The following TRNT1 variants were observed in gnomAD, a reference collection of about 807,000 sequenced individuals.
TRNT1 encodes CCA tRNA nucleotidyltransferase 1, mitochondrial.
A neutral mutation model predicts 45.6 loss-of-function variants in TRNT1; 44 were observed. The ratio of observed to expected loss-of-function variants is 0.97; its 90% confidence interval spans 0.76 to 1.24. TRNT1 has a LOEUF of 1.24. TRNT1 is among the 50% of genes most tolerant of loss of function. The probability of loss-of-function intolerance (pLI) is 0.00; values close to 1 mark genes in which losing one functional copy is unlikely to be tolerated. For synonymous variants in TRNT1, 201 were observed against 171.4 expected, an observed-to-expected ratio of 1.17 and a Z score of -1.35; for missense variants, 633 against 504.4, an observed-to-expected ratio of 1.25 and a Z score of -2.44.
intron 2 of TRNT1, among the ~76,000 whole-genome samples, chr3:3,133,252 C>T (rs904072961): frequency 3.9e-5 from 6 of 152,024 alleles, no homozygotes; most frequent in Non-Finnish European, 5.9e-5. Flanking sequence ...ATGCTAGTGG[C>T]ATAGAAGATT....
chr3:3,136,226 T>C (rs1705318164), intron 2 of TRNT1, among the ~76,000 whole-genome samples: 1 of 152,294 alleles, frequency 6.6e-6, no homozygotes, highest in Admixed American at 6.5e-5. Flanking sequence ...CTGATATTGA[T>C]GTTTTGTGAA....
rs372367989 is a variant in TRNT1 at position 3,148,083 on chromosome 3, C to G, written c.1234C>G (p.Arg412Gly). 1.2e-6 allele frequency: 2 copies of G among 1,613,646 alleles called. No individual in the cohort carries two copies. Among genetic ancestry groups the G allele is most frequent in the Admixed American group, 1.7e-5 (1 of 59,970 alleles). ...AATTGGGGCTCTATTACAACAGTTG[C>G]GAGAACAGTGGAAAAAAAGTGGTTA... ...KEIGALLQQL[R>G]EQWKKSGYQM... Residue 412 changes from arginine (R) to glycine (G), a missense_variant, in exon 8 of 8, where the codon CGA becomes GGA. Arg to Gly is a moderately radical substitution (Grantham distance 125). Transcript: ENST00000251607.
At chr3:3,129,952 AGGAAATAG>A (rs1347198468) in intron 2 of TRNT1, 11 of 1,550,488 alleles carry the variant, frequency 7.1e-6, no homozygotes, top group Non-Finnish European at 9.6e-6. Flanking sequence ...TGAAGGAAGA[AGGAAATAG>A]GAGTTGCCTC....
chr3:3,137,474 G>A, intron 3 of TRNT1, 21 bp downstream of exon 3: 29 of 1,555,890 alleles, frequency 1.9e-5, no homozygotes, highest in Non-Finnish European at 2.5e-5. Flanking sequence ...AGTTTGACAG[G>A]TAATTACATT....
chr3:3,143,838 A>T (rs1705812234), intron 4 of TRNT1, among the ~76,000 whole-genome samples: 1 of 152,232 alleles, frequency 6.6e-6, no homozygotes, highest in East Asian at 1.9e-4. Context: ...AACCAGGGTG[A>T]CAAAGTGAGA....
downstream of TRNT1, chr3:3,150,211 G>A (rs1178545430): frequency 6.6e-6 from 1 of 152,372 alleles, no homozygotes; most frequent in Non-Finnish European, 1.5e-5. Context: ...TTCAGATACT[G>A]AGCAAATACA....
intron 4 of TRNT1, among the ~76,000 whole-genome samples, chr3:3,143,174 T>C (rs1705764452): frequency 6.6e-6 from 1 of 152,198 alleles, no homozygotes; most frequent in Non-Finnish European, 1.5e-5. Context: ...GTTTCGGCTC[T>C]AAATTCCTTT....
Position 3,144,647 on chromosome 3 carries a change from G to A in TRNT1, c.545G>A (p.Arg182Lys), listed in dbSNP as rs1215520219. Residue 182 changes from arginine (R) to lysine (K), a missense_variant, in exon 5 of 8, where the codon AGA becomes AAA. Arg to Lys is a conservative substitution (Grantham distance 26). Transcript: ENST00000251607. ...GYEDLKNKKV[R>K]FVGHAKQRIQ... Reference sequence around the variant, plus strand: ...GAAGATTTAAAAAATAAGAAAGTTAGATTTGTTGGACATGCTAAACAGAGA... The same window carrying A: ...GAAGATTTAAAAAATAAGAAAGTTAAATTTGTTGGACATGCTAAACAGAGA... The A allele has an allele frequency of 1.6e-5, 25 of 1,583,426 alleles. No individual in the cohort carries two copies. The highest frequency in any genetic ancestry group is 2.1e-5 in the Non-Finnish European group (24 of 1,157,318).
chr3:3,141,139 C>T (rs1471570331), intron 4 of TRNT1, among the ~76,000 whole-genome samples: 1 of 152,154 alleles, frequency 6.6e-6, no homozygotes, highest in East Asian at 1.9e-4. Context: ...ACTCACTAGC[C>T]ACAAAACAAA....
chr3:3,131,026 A>C (rs1350046007), intron 2 of TRNT1, among the ~76,000 whole-genome samples: 2 of 152,042 alleles, frequency 1.3e-5, no homozygotes, highest in Non-Finnish European at 1.5e-5. Context: ...GCTTGCGGTA[A>C]GCCGAGATTG....
intron 4 of TRNT1, among the ~76,000 whole-genome samples, chr3:3,142,781 A>G (rs1705738546): frequency 6.6e-6 from 1 of 152,184 alleles, no homozygotes; most frequent in Admixed American, 6.5e-5. Flanking sequence ...CTTCATTAGG[A>G]GAAATAACAC....
chr3:3,139,919 G>A (rs1450926908), intron 3 of TRNT1, among the ~76,000 whole-genome samples: 2 of 152,000 alleles, frequency 1.3e-5, no homozygotes, highest in African/African-American at 4.8e-5. Context: ...GGTAGAGATG[G>A]GGTTTTACCA....
At chr3:3,140,848 C>A in intron 4 of TRNT1, 200 bp downstream of exon 4, 1 of 472,192 alleles carries the variant, frequency 2.1e-6, no homozygotes, top group East Asian at 4.1e-5. Context: ...TTTGGGAGGC[C>A]AAGGCAGGCG....
chr3:3,129,180 G>C lies in TRNT1; in HGVS notation c.140G>C (p.Ser47Thr), dbSNP rs754114860. The C allele has an allele frequency of 3.7e-6, 6 of 1,614,098 alleles. No homozygotes were observed. In the East Asian group the frequency reaches 1.1e-4, roughly 30 times the overall value. Reference protein sequence around the residue: ...FQSLFTEGLKSLTELFVKENH... With the variant: ...FQSLFTEGLKTLTELFVKENH... ...TCACTTTTCACAGAAGGACTGAAGA[G>C]TCTGACAGGTGAGAGATTAGGATAC... is the stretch of plus-strand genomic sequence containing the variant. The change falls in exon 2 of 8, where the codon AGT becomes ACT. Residue 47 changes from serine (S) to threonine (T), a missense_variant. Transcript: ENST00000251607.
At chr3:3,153,039 A>G (rs898731725), downstream of TRNT1, 3 of 303,970 alleles carry the variant, frequency 9.9e-6, no homozygotes, top group African/African-American at 6.5e-5. Context: ...ATATCAGAGC[A>G]TCAGTATGTG....
At position 3,148,260 on chromosome 3, in the gene TRNT1, G is replaced by A. The variant is rs762404826; in HGVS notation, c.*106G>A. On this transcript the variant is annotated 3_prime_UTR_variant, in exon 8 of 8. Coordinates refer to ENST00000251607, the MANE Select transcript of TRNT1 (RefSeq NM_182916.3). ...ACACCAGAATAAAAGACAGTTTAGG[G>A]GACCTCTGTAGAACAACAAGGGTCT... is the stretch of plus-strand genomic sequence containing the variant. 8.0e-6 allele frequency: 10 copies of A among 1,256,940 alleles called. No homozygotes were observed. Among genetic ancestry groups the A allele is most frequent in the African/African-American group, 1.5e-5 (1 of 65,942 alleles). 77.9% of individuals were successfully genotyped at this position (1,256,940 alleles called of 1,614,324 possible).
At position 3,147,624 on chromosome 3, in the gene TRNT1, T is replaced by TAGTTA. The variant is rs1706131765; in HGVS notation, c.979_983dup (p.Asn329LeufsTer7). 1 of 1,613,750 alleles carries TAGTTA rather than the reference T, an allele frequency of 6.2e-7. No individual in the cohort carries two copies. The highest frequency in any genetic ancestry group is 8.5e-7 in the Non-Finnish European group (1 of 1,179,812). ...GAGGAGAAAAACCTTGGCTTATTTA[T>TAGTTA]AGTTAAAAATAGGAAAGATTTAATT... On this transcript the variant is annotated frameshift_variant, in exon 7 of 8. Coordinates refer to ENST00000251607, the MANE Select transcript of TRNT1 (RefSeq NM_182916.3). LOFTEE classifies it high-confidence loss of function.
chr3:3,131,503 T>G (rs1186465422), intron 2 of TRNT1: 1 of 151,866 alleles, frequency 6.6e-6, no homozygotes, highest in Non-Finnish European at 1.5e-5. Context: ...ACTGGATCCC[T>G]TCCTTACACC....
chr3:3,129,027 G>T lies in TRNT1; in HGVS notation c.-14G>T. ...TTTGCCTTGTAGATGTGTAGTTGGT[G>T]ACTGCCTCTCCAGATGCTGAGGTGC... On this transcript the variant is annotated 5_prime_UTR_variant, in exon 2 of 8. An upstream open reading frame in the 5' UTR loses its in-frame stop. Coordinates refer to ENST00000251607, the MANE Select transcript of TRNT1 (RefSeq NM_182916.3). 1 of 1,588,500 alleles carries T rather than the reference G, an allele frequency of 6.3e-7. No individual in the cohort carries two copies. Among genetic ancestry groups the T allele is most frequent in the South Asian group, 1.1e-5 (1 of 87,424 alleles).
Sources: allele counts gnomAD v4.1 joint callset (sites outside exome capture counted in the v4.1 genomes callset), GRCh38; gene constraint gnomAD v4.1.1; transcripts MANE v1.5; gene names NCBI Gene and HGNC (gene_info 2026-07-23, HGNC 2026-07-21).